Variants in MMP16 observed in about 807,000 individuals in gnomAD.
The protein encoded by MMP16 is matrix metalloproteinase-16.
In MMP16, 12 loss-of-function variants were observed where a neutral mutation model predicts 67.8. The ratio of observed to expected loss-of-function variants is 0.18; its 90% CI spans 0.11 to 0.29. The LOEUF (loss-of-function observed/expected upper bound fraction) is 0.29. MMP16 is among the 10% of genes least tolerant of loss of function. MMP16 has a pLI of 1.00. For synonymous variants in MMP16, 249 were observed against 255.9 expected (o/e 0.97, Z 0.26); for missense variants, 475 against 765.7 (o/e 0.62, Z 4.48).
chr8:88,119,047 G>A (rs28907634), intron 4 of MMP16, among the ~76,000 whole-genome samples, 186 bp from the exon 5 acceptor site: 75 of 151,990 alleles, frequency 4.9e-4, no homozygotes, highest in African/African-American at 1.8e-3. Flanking sequence ...TTCAAAAAAG[G>A]GTCAAGGGAA....
chr8:88,132,362 A>T (rs1351994013), intron 4 of MMP16, among the ~76,000 whole-genome samples: 1 of 151,906 alleles, frequency 6.6e-6, no homozygotes, highest in Non-Finnish European at 1.5e-5. Flanking sequence ...AAAGTCAGTG[A>T]TAGTCTTACA....
intron 1 of MMP16, among the ~76,000 whole-genome samples, chr8:88,292,105 C>T (rs770628569): frequency 6.6e-5 from 10 of 152,074 alleles, no homozygotes; most frequent in Non-Finnish European, 1.5e-4. Context: ...GAAAATAATA[C>T]CTTGAAAGAC....
chr8:88,089,818 G>C (rs1411377924), intron 6 of MMP16, among the ~76,000 whole-genome samples: 1 of 151,812 alleles, frequency 6.6e-6, no homozygotes, highest in Non-Finnish European at 1.5e-5. Context: ...CTCCCAGACT[G>C]AGATTGCTAA....
At chr8:88,302,156 T>TA (rs1181386298) in intron 1 of MMP16, among the ~76,000 whole-genome samples, 1 of 151,594 alleles carries the variant, frequency 6.6e-6, no homozygotes, top group African/African-American at 2.4e-5. Flanking sequence ...ATGCCCTATT[T>TA]AAAAAACAGA....
At chr8:88,115,698 T>C (rs540394739) in intron 6 of MMP16, among the ~76,000 whole-genome samples, 2 of 152,138 alleles carry the variant, frequency 1.3e-5, no homozygotes, top group Non-Finnish European at 2.9e-5. Context: ...ATAAATAATA[T>C]TGGCAAAATG....
chr8:88,193,870 GCCTTGCTATTTTTTTGTTT>G (rs1368684978), intron 2 of MMP16, among the ~76,000 whole-genome samples: 5 of 151,644 alleles, frequency 3.3e-5, no homozygotes, highest in African/African-American at 1.2e-4. Context: ...TTTCTTTATT[GCCTTGCTATTTTTTTGTTT>G]CCTTGTAAAA....
At position 88,318,356 on chromosome 8, in the gene MMP16, T is replaced by A. The variant is rs192275094; in HGVS notation, c.132+8719A>T. Among the ~76,000 whole-genome samples the A allele has an allele frequency of 6.6e-5, 10 of 152,286 alleles. No homozygotes were observed. In the East Asian group the frequency reaches 1.7e-3, roughly 26 times the overall value. On this transcript the variant is annotated intron_variant, in intron 1 of 9. Transcript: ENST00000286614. The stretch of plus-strand genomic sequence containing the variant: ...TAGATAACTGTAAAACTATACTGAG[T>A]ATCACATAATCAATCTTAAATCAAC...
intron 1 of MMP16, among the ~76,000 whole-genome samples, chr8:88,227,017 C>T (rs34914970): frequency 0.11 from 17,182 of 151,852 alleles, 1,943 homozygotes; most frequent in East Asian, 0.41. Context: ...TTCTCACTTA[C>T]AAATAAACAA....
At chr8:88,238,688 A>G (rs912192958) in intron 1 of MMP16, among the ~76,000 whole-genome samples, 1 of 149,854 alleles carries the variant, frequency 6.7e-6, no homozygotes, top group African/African-American at 2.5e-5. Flanking sequence ...AAAAAAAAAA[A>G]GACGTGGGCT....
intron 1 of MMP16, among the ~76,000 whole-genome samples, chr8:88,279,432 T>C (rs1385827002): frequency 6.6e-6 from 1 of 152,204 alleles, no homozygotes; most frequent in Admixed American, 6.5e-5. Flanking sequence ...TGGTCAGAAC[T>C]AGTCTAATGT....
At chr8:88,095,328 C>T (rs1295512778) in intron 6 of MMP16, among the ~76,000 whole-genome samples, 3 of 151,510 alleles carry the variant, frequency 2.0e-5, no homozygotes, top group African/African-American at 7.3e-5. Context: ...ATAGAAATGG[C>T]ATGTTAGAAA....
intron 1 of MMP16, among the ~76,000 whole-genome samples, chr8:88,319,920 C>T: frequency 6.6e-6 from 1 of 152,140 alleles, no homozygotes; most frequent in Admixed American, 6.5e-5. Flanking sequence ...CCATGACTTA[C>T]TTCAATAATC....
intron 1 of MMP16, among the ~76,000 whole-genome samples, chr8:88,320,988 C>A (rs1057042273): frequency 5.3e-5 from 8 of 151,992 alleles, no homozygotes; most frequent in African/African-American, 1.9e-4. Flanking sequence ...TCATGAAGAA[C>A]CTCAAAATCT....
At position 88,279,309 on chromosome 8, in the gene MMP16, C is replaced by T. The variant is rs180812928; in HGVS notation, c.132+47766G>A. Among the ~76,000 whole-genome samples, 102 of 151,748 alleles carry T rather than the reference C, an allele frequency of 6.7e-4. No homozygotes were observed. In the East Asian group the frequency reaches 0.016, roughly 24 times the overall value. ...TCATATGTTAAAATGATAATATATCCGCCATATTGCATTAAATAAAACATT... is the reference window on the plus strand; with the variant it reads ...TCATATGTTAAAATGATAATATATCTGCCATATTGCATTAAATAAAACATT... On this transcript the variant is annotated intron_variant, in intron 1 of 9. Coordinates refer to ENST00000286614, the MANE Select transcript of MMP16 (RefSeq NM_005941.5).
chr8:88,318,887 T>C (rs751226503), intron 1 of MMP16, among the ~76,000 whole-genome samples: 2 of 152,156 alleles, frequency 1.3e-5, no homozygotes, highest in African/African-American at 2.4e-5. Context: ...GGACCTTTGT[T>C]TAATCAGAAT....
intron 1 of MMP16, among the ~76,000 whole-genome samples, chr8:88,278,245 T>A (rs1024373712): frequency 2.6e-5 from 4 of 152,140 alleles, no homozygotes; most frequent in African/African-American, 7.2e-5. Flanking sequence ...AACACTAAGC[T>A]GTACAACATA....
chr8:88,240,958 C>T (rs1810024216), intron 1 of MMP16, among the ~76,000 whole-genome samples: 1 of 152,060 alleles, frequency 6.6e-6, no homozygotes, highest in African/African-American at 2.4e-5. Context: ...ATATAATCTT[C>T]ATTGTTTCCT....
At chr8:88,215,884 T>C (rs1489879737) in intron 1 of MMP16, among the ~76,000 whole-genome samples, 1 of 152,150 alleles carries the variant, frequency 6.6e-6, no homozygotes, top group Non-Finnish European at 1.5e-5. Context: ...TTTGAGTGTA[T>C]TCCATGAACC....
At chr8:88,136,817 A>G (rs1309170416) in intron 4 of MMP16, among the ~76,000 whole-genome samples, 1 of 151,722 alleles carries the variant, frequency 6.6e-6, no homozygotes, top group Non-Finnish European at 1.5e-5. Context: ...TAGCAATGCT[A>G]TGAATATTCC....
Sources: gnomAD v4.1 joint callset for allele counts (sites outside exome capture counted in the v4.1 genomes callset) on GRCh38, gnomAD v4.1.1 for gene constraint, MANE v1.5 for transcripts, NCBI Gene and HGNC (gene_info 2026-07-23, HGNC 2026-07-21) for gene names.